The following EFHC1 variants were observed in gnomAD, a reference collection of about 807,000 sequenced individuals.
The protein encoded by EFHC1 is EF-hand domain containing 1, also known as EF-hand domain-containing protein 1.
In EFHC1, 53 loss-of-function variants were observed where a neutral mutation model predicts 69.9. The ratio of observed to expected loss-of-function variants is 0.76; its 90% CI spans 0.61 to 0.95. The LOEUF (loss-of-function observed/expected upper bound fraction) is 0.95, where lower values mean the gene tolerates loss of function less well. EFHC1 is among the 40% of genes least tolerant of loss of function. The pLI, the probability that EFHC1 is intolerant of heterozygous loss-of-function variation, is 0.00. For missense variants in EFHC1, 739 were observed against 798.7 expected, an observed-to-expected ratio of 0.93 and a Z score of 0.90; for synonymous variants, 256 against 278.4, an observed-to-expected ratio of 0.92 and a Z score of 0.80.
chr6:52,447,455 C>T (rs2113988244), intron 3 of EFHC1, among the ~76,000 whole-genome samples: 1 of 152,298 alleles, frequency 6.6e-6, no homozygotes, highest in Middle Eastern at 3.4e-3. Flanking sequence ...TTCTAGTTAG[C>T]CATTCGTCTA....
At position 52,493,032 on chromosome 6, in the gene EFHC1, C is replaced by T. The variant is rs1167052315; in HGVS notation, c.*691C>T. 2.2e-6 allele frequency: 1 copy of T among 453,926 alleles called. No individual in the cohort carries two copies. The highest frequency in any genetic ancestry group is 2.0e-5 in the African/African-American group (1 of 49,990). The allele number at this position is 453,926 out of a possible 1,614,324, so 28.1% of individuals were successfully genotyped here. Reference sequence around the variant, plus strand: ...CTCCCTAATGTGGGTGGGCCTCCTCCAATCATTTGAAGACATGAGTAGAAT... The same window carrying T: ...CTCCCTAATGTGGGTGGGCCTCCTCTAATCATTTGAAGACATGAGTAGAAT... On this transcript the variant is annotated 3_prime_UTR_variant, in exon 11 of 11. Transcript: ENST00000371068.
intron 2 of EFHC1, among the ~76,000 whole-genome samples, chr6:52,429,505 G>A (rs548951482): frequency 2.0e-5 from 3 of 152,076 alleles, no homozygotes; most frequent in Non-Finnish European, 4.4e-5. Flanking sequence ...TTGGCTGTAA[G>A]TATTTGGCTT....
Position 52,423,495 on chromosome 6 carries a change from T to C in EFHC1, c.64-451T>C, listed in dbSNP as rs141899960. Among the ~76,000 whole-genome samples the C allele has an allele frequency of 2.3e-3, 354 of 152,058 alleles. 1 individual carries two copies. The highest frequency in any genetic ancestry group is 3.5e-3 in the Non-Finnish European group (240 of 67,968). On this transcript the variant is annotated intron_variant, in intron 1 of 10. Coordinates refer to ENST00000371068, the MANE Select transcript of EFHC1 (RefSeq NM_018100.4). ...AAAATACAGAATCTTTTAATGTAGGTAAGCTTTTGTTTTGTTTTGTTTTTT... is the reference window on the plus strand; with the variant it reads ...AAAATACAGAATCTTTTAATGTAGGCAAGCTTTTGTTTTGTTTTGTTTTTT...
At chr6:52,427,842 T>C (rs1425627699) in intron 2 of EFHC1, among the ~76,000 whole-genome samples, 4 of 152,180 alleles carry the variant, frequency 2.6e-5, no homozygotes, top group African/African-American at 4.8e-5. Context: ...GTGTGTGATA[T>C]GAAAATATTT....
rs1033136701 is a variant in EFHC1, at chr6:52,494,369, G to T, written c.*2028G>T. ...TGTGTATACTGGGGTGATGATAGTGGTTTCTTCTTACTCCCTTCTTTCTGT... is the reference window on the plus strand; with the variant it reads ...TGTGTATACTGGGGTGATGATAGTGTTTTCTTCTTACTCCCTTCTTTCTGT... On this transcript the variant is annotated 3_prime_UTR_variant, in exon 11 of 11. Transcript: ENST00000371068. 2.4e-5 allele frequency: 11 copies of T among 453,938 alleles called. No individual in the cohort carries two copies. Among genetic ancestry groups the T allele is most frequent in the African/African-American group, 2.2e-4 (11 of 49,996 alleles). The allele number at this position is 453,938 out of a possible 1,614,324, so 28.1% of individuals were successfully genotyped here.
rs552382906 is a variant in EFHC1, at chr6:52,449,276, G to A, written c.574-3412G>A. Among the ~76,000 whole-genome samples the A allele has an allele frequency of 1.8e-3, 275 of 152,112 alleles. 2 individuals are homozygous for A. Among genetic ancestry groups the A allele is most frequent in the African/African-American group, 5.7e-3 (237 of 41,460 alleles). The stretch of plus-strand genomic sequence containing the variant: ...CAGGCGCCTGTAGTCCCAGCTACTC[G>A]GGGCTGAGGCAGGAGAATGGCGTGA... On this transcript the variant is annotated intron_variant, in intron 3 of 10. Coordinates refer to ENST00000371068, the MANE Select transcript of EFHC1 (RefSeq NM_018100.4).
intron 3 of EFHC1, among the ~76,000 whole-genome samples, chr6:52,445,949 T>G (rs1294922675): frequency 6.6e-6 from 1 of 152,214 alleles, no homozygotes; most frequent in African/African-American, 2.4e-5. Context: ...TTCTGTTCTT[T>G]TACATTTGCT....
intron 9 of EFHC1, chr6:52,484,594 C>T (rs973675460): frequency 1.3e-5 from 2 of 152,130 alleles, no homozygotes; most frequent in African/African-American, 4.8e-5. Flanking sequence ...CCATTGTGCA[C>T]TTATGGGAAA....
At chr6:52,485,872 T>C (rs1411870293) in intron 9 of EFHC1, 1 of 152,202 alleles carries the variant, frequency 6.6e-6, no homozygotes, top group Non-Finnish European at 1.5e-5. Context: ...GCCTCAGTTA[T>C]TTCATAGCAA....
chr6:52,436,729 C>T (rs908589056), intron 2 of EFHC1, among the ~76,000 whole-genome samples: 4 of 152,150 alleles, frequency 2.6e-5, no homozygotes, highest in Admixed American at 1.3e-4. Flanking sequence ...GCAGCCTCCA[C>T]CTCCTGGGTT....
At chr6:52,473,659 G>T (rs1765485206) in intron 7 of EFHC1, among the ~76,000 whole-genome samples, 1 of 152,106 alleles carries the variant, frequency 6.6e-6, no homozygotes, top group Non-Finnish European at 1.5e-5. Flanking sequence ...GTGCACGCCT[G>T]TAGTCCCAGC....
At chr6:52,435,668 A>C (rs774923163) in intron 2 of EFHC1, among the ~76,000 whole-genome samples, 1 of 152,078 alleles carries the variant, frequency 6.6e-6, no homozygotes, top group African/African-American at 2.4e-5. Context: ...TTCCAGTCTG[A>C]TTGCCATGCC....
Position 52,475,272 on chromosome 6 carries a change from C to T in EFHC1, c.1279-3765C>T, listed in dbSNP as rs149907954. 1.4e-3 allele frequency among the ~76,000 whole-genome samples: 216 copies of T among 151,824 alleles called. 1 individual carries two copies. Among genetic ancestry groups the T allele is most frequent in the Middle Eastern group, 6.8e-3 (2 of 294 alleles). On this transcript the variant is annotated intron_variant, in intron 7 of 10. Coordinates refer to ENST00000371068, the MANE Select transcript of EFHC1 (RefSeq NM_018100.4). The stretch of plus-strand genomic sequence containing the variant: ...AAGGGGAAAAGGTTTATGAGTGAGG[C>T]GGGGACTTCAAAAGAAAATATATGG...
At chr6:52,458,433 A>G (rs1454785515) in intron 5 of EFHC1, among the ~76,000 whole-genome samples, 2 of 152,240 alleles carry the variant, frequency 1.3e-5, no homozygotes. Flanking sequence ...TCCAGAATCT[A>G]TAAGGAACTT....
chr6:52,438,494 G>A lies in EFHC1; in HGVS notation c.476G>A (p.Arg159Gln), dbSNP rs1277516532. The change falls in exon 3 of 11, where the codon CGG becomes CAG. Residue 159 changes from arginine (R) to glutamine (Q), a missense_variant. Transcript: ENST00000371068. ...CGCCAGCGGCTAGCCAAGAATGACC[G>A]GGGTGACCATTACCATTGGAAAGAC... ...IKRQRLAKND[R>Q]GDHYHWKDLN... The A allele has an allele frequency of 2.0e-5, 32 of 1,614,008 alleles. No individual in the cohort carries two copies. The highest frequency in any genetic ancestry group is 2.5e-5 in the Non-Finnish European group (29 of 1,179,976).
chr6:52,440,962 T>C (rs1040853726), intron 3 of EFHC1, among the ~76,000 whole-genome samples: 1 of 152,136 alleles, frequency 6.6e-6, no homozygotes, highest in African/African-American at 2.4e-5. Context: ...TCATGTCCTT[T>C]GCCCACTTTT....
At chr6:52,444,648 C>T (rs62407895) in intron 3 of EFHC1, among the ~76,000 whole-genome samples, 14,278 of 152,166 alleles carry the variant, frequency 0.094, 933 homozygotes, top group Non-Finnish European at 0.14. Flanking sequence ...CCAACTTGAT[C>T]GTGGTGGATA....
chr6:52,426,668 A>G (rs1764308311), intron 2 of EFHC1, among the ~76,000 whole-genome samples: 1 of 152,058 alleles, frequency 6.6e-6, no homozygotes, highest in Non-Finnish European at 1.5e-5. Context: ...ACTTATCTCT[A>G]TCCCTCACCT....
chr6:52,479,506 C>T (rs948893280), intron 8 of EFHC1, 134 bp from the exon 9 acceptor site: 38 of 1,351,732 alleles, frequency 2.8e-5, no homozygotes, highest in Non-Finnish European at 3.3e-5. Flanking sequence ...ATTAGTATGT[C>T]GTTTAAAGAA....
Sources: allele counts gnomAD v4.1 joint callset (sites outside exome capture counted in the v4.1 genomes callset), GRCh38; gene constraint gnomAD v4.1.1; transcripts MANE v1.5; gene names NCBI Gene and HGNC (gene_info 2026-07-23, HGNC 2026-07-21).